PLEKHG1: variants seen among roughly 807,000 people sequenced by gnomAD.
PLEKHG1 encodes pleckstrin homology domain-containing family G member 1.
PLEKHG1 carries 44 observed loss-of-function variants against 100.8 expected under a neutral mutation model. The observed-to-expected ratio is 0.44, with a 90% CI of 0.34 to 0.56. PLEKHG1 has a LOEUF of 0.56. PLEKHG1 is among the 20% of genes least tolerant of loss of function. PLEKHG1 has a pLI of 0.01. For synonymous variants in PLEKHG1, 640 were observed against 662.5 expected (o/e 0.97, Z 0.52); for missense variants, 1,545 against 1,720.9 (o/e 0.90, Z 1.81).
At chr6:150,738,996 C>G (rs55830601) in intron 2 of PLEKHG1, among the ~76,000 whole-genome samples, 1 of 152,082 alleles carries the variant, frequency 6.6e-6, no homozygotes, top group African/African-American at 2.4e-5. Flanking sequence ...ATGGGACCTT[C>G]GATTGACTGG....
chr6:150,820,400 T>G (rs1776229583), intron 12 of PLEKHG1, among the ~76,000 whole-genome samples: 1 of 152,182 alleles, frequency 6.6e-6, no homozygotes, highest in South Asian at 2.1e-4. Context: ...TTAATTCATA[T>G]TTGCTGCACC....
At chr6:150,818,391 T>A (rs1434695378) in intron 11 of PLEKHG1, among the ~76,000 whole-genome samples, 175 bp downstream of exon 12, 1 of 152,228 alleles carries the variant, frequency 6.6e-6, no homozygotes, top group Non-Finnish European at 1.5e-5. Context: ...GACTTGTTTC[T>A]ACATTGGTTC....
intron 15 of PLEKHG1, among the ~76,000 whole-genome samples, chr6:150,836,405 A>G (rs1346021619): frequency 1.3e-5 from 2 of 151,734 alleles, no homozygotes; most frequent in Non-Finnish European, 2.9e-5. Context: ...AGTAAAATAA[A>G]GAAGGGAGTG....
intron 1 of PLEKHG1, among the ~76,000 whole-genome samples, chr6:150,629,074 G>A (rs1243797200): frequency 6.6e-6 from 1 of 152,170 alleles, no homozygotes; most frequent in Non-Finnish European, 1.5e-5. Flanking sequence ...TAAAGGGTAG[G>A]ATTCGCCAGC....
intron 3 of PLEKHG1, among the ~76,000 whole-genome samples, chr6:150,704,453 T>C (rs1207485290): frequency 2.0e-5 from 3 of 152,242 alleles, no homozygotes; most frequent in African/African-American, 7.2e-5. Context: ...GTCTAATCCT[T>C]GAAGTCTGTC....
At chr6:150,723,701 A>C (rs1781814252) in intron 1 of PLEKHG1, among the ~76,000 whole-genome samples, 1 of 152,218 alleles carries the variant, frequency 6.6e-6, no homozygotes, top group Admixed American at 6.5e-5. Flanking sequence ...GCTGTATCAT[A>C]ATAAGGCTCA....
intron 3 of PLEKHG1, among the ~76,000 whole-genome samples, chr6:150,677,086 A>G (rs768529340): frequency 3.9e-5 from 6 of 152,014 alleles, no homozygotes; most frequent in Non-Finnish European, 7.4e-5. Flanking sequence ...GCAGGTGTCT[A>G]TCTCCATACT....
intron 2 of PLEKHG1, among the ~76,000 whole-genome samples, chr6:150,645,615 GA>G (rs1207155805): frequency 2.0e-5 from 3 of 152,142 alleles, no homozygotes; most frequent in African/African-American, 7.2e-5. Flanking sequence ...TTTTCACAGG[GA>G]AGGAAACATA....
At chr6:150,734,203 G>A (rs1782447409) in intron 2 of PLEKHG1, 111 bp downstream of exon 3, 4 of 1,057,660 alleles carry the variant, frequency 3.8e-6, no homozygotes, top group Non-Finnish European at 5.5e-6. Flanking sequence ...CGGAAGGGAT[G>A]TGAATGTTTA....
chr6:150,737,273 A>G (rs1228246118), intron 2 of PLEKHG1, among the ~76,000 whole-genome samples: 1 of 147,722 alleles, frequency 6.8e-6, no homozygotes, highest in Admixed American at 6.9e-5. Flanking sequence ...AAAGGCTGTC[A>G]TATGGGTATT....
chr6:150,653,409 G>A (rs1222660080), intron 3 of PLEKHG1, among the ~76,000 whole-genome samples: 1 of 151,866 alleles, frequency 6.6e-6, no homozygotes, highest in African/African-American at 2.4e-5. Context: ...CACCCCCCAC[G>A]TGTATGTGAG....
intron 2 of PLEKHG1, among the ~76,000 whole-genome samples, chr6:150,761,920 C>G (rs542536744): frequency 3.7e-4 from 56 of 152,282 alleles, no homozygotes; most frequent in Admixed American, 1.5e-3. Context: ...ACAGCTCTCC[C>G]CCTTTCAGGA....
At chr6:150,678,063 CATATATATATATATATATATATAT>C (rs201616866) in intron 3 of PLEKHG1, among the ~76,000 whole-genome samples, 27 of 60,120 alleles carry the variant, frequency 4.5e-4, no homozygotes, top group East Asian at 1.4e-3. Flanking sequence ...TGTTTTGATG[CATATATATATATATATATATATAT>C]ATATATATAT....
chr6:150,789,991 T>C (rs954095462), intron 4 of PLEKHG1, among the ~76,000 whole-genome samples: 18 of 152,152 alleles, frequency 1.2e-4, no homozygotes, highest in Non-Finnish European at 1.3e-4. Context: ...GTGGGTCTTA[T>C]ACTTCTTCAG....
At chr6:150,724,523 C>T (rs979196862) in intron 1 of PLEKHG1, among the ~76,000 whole-genome samples, 1 of 151,134 alleles carries the variant, frequency 6.6e-6, no homozygotes, top group Non-Finnish European at 1.5e-5. Context: ...CATAAAAAGC[C>T]TTTAGAGAAT....
intron 3 of PLEKHG1, among the ~76,000 whole-genome samples, chr6:150,704,219 C>T (rs1035357474): frequency 1.3e-5 from 2 of 152,182 alleles, no homozygotes; most frequent in Admixed American, 1.3e-4. Context: ...CATAAACGCA[C>T]TCTTCATTAA....
At chr6:150,639,649 G>T (rs937104861) in intron 2 of PLEKHG1, among the ~76,000 whole-genome samples, 15 of 152,208 alleles carry the variant, frequency 9.9e-5, no homozygotes, top group Non-Finnish European at 2.2e-4. Flanking sequence ...TCCTGGGCTG[G>T]CCTGAAGAGT....
At position 150,786,264 on chromosome 6, in the gene PLEKHG1, C is replaced by A; in HGVS notation, c.513-126C>A. The A allele has an allele frequency of 4.5e-6, 3 of 667,520 alleles. No homozygotes were observed. In the East Asian group the frequency reaches 8.3e-5, roughly 18 times the overall value. The allele number at this position is 667,520 out of a possible 1,614,324, so 41.3% of individuals were successfully genotyped here. ...AGCCTTGGATACAATGACAGCAGAT[C>A]CTCAGTTATCCAATTATATGATTCC... On this transcript the variant is annotated intron_variant, in intron 3 of 15. Coordinates refer to ENST00000358517, the Ensembl canonical transcript of PLEKHG1.
intron 3 of PLEKHG1, among the ~76,000 whole-genome samples, chr6:150,700,828 A>C (rs1479211838): frequency 6.6e-6 from 1 of 152,162 alleles, no homozygotes; most frequent in East Asian, 1.9e-4. Flanking sequence ...TAATACAGGC[A>C]AAACAGCACC....
Sources: gnomAD v4.1 joint callset for allele counts (sites outside exome capture counted in the v4.1 genomes callset) on GRCh38, gnomAD v4.1.1 for gene constraint, MANE v1.5 for transcripts, NCBI Gene and HGNC (gene_info 2026-07-23, HGNC 2026-07-21) for gene names.